The following ANKS1B variants were observed in gnomAD, a reference collection of about 807,000 sequenced individuals.
The protein encoded by ANKS1B is ankyrin repeat and sterile alpha motif domain-containing protein 1B.
ANKS1B carries 36 observed loss-of-function variants against 148.3 expected under a neutral mutation model. The observed-to-expected ratio is 0.24, with a 90% CI of 0.19 to 0.32. ANKS1B has a LOEUF of 0.32. ANKS1B is among the 10% of genes least tolerant of loss of function. The probability of loss-of-function intolerance (pLI) is 1.00; values close to 1 mark genes in which losing one functional copy is unlikely to be tolerated. For synonymous variants in ANKS1B, 542 were observed against 560.8 expected, an observed-to-expected ratio of 0.97 and a Z score of 0.47; for missense variants, 1,157 against 1,542.6, an observed-to-expected ratio of 0.75 and a Z score of 4.19.
At chr12:99,096,570 T>C (rs1348897755) in intron 15 of ANKS1B, among the ~76,000 whole-genome samples, 1 of 152,158 alleles carries the variant, frequency 6.6e-6, no homozygotes, top group Admixed American at 6.5e-5. Flanking sequence ...AAGAGCTCTT[T>C]GAACTGTTCT....
chr12:99,504,161 T>C (rs1449417150), intron 10 of ANKS1B, among the ~76,000 whole-genome samples: 1 of 152,126 alleles, frequency 6.6e-6, no homozygotes, highest in Non-Finnish European at 1.5e-5. Context: ...TTGCTACCAA[T>C]TGGCTGTGAA....
At chr12:99,593,091 T>G (rs928357538) in intron 9 of ANKS1B, among the ~76,000 whole-genome samples, 2 of 152,078 alleles carry the variant, frequency 1.3e-5, no homozygotes, top group Non-Finnish European at 2.9e-5. Flanking sequence ...TTATCAGATT[T>G]AAAGAGTCTG....
At chr12:99,097,280 AATTGCTGGT>A (rs2056507255) in intron 15 of ANKS1B, 2 of 152,170 alleles carry the variant, frequency 1.3e-5, no homozygotes, top group Non-Finnish European at 2.9e-5. Flanking sequence ...ATAAAGATGG[AATTGCTGGT>A]ACACCATAAC....
chr12:99,714,125 T>C (rs372250767), intron 8 of ANKS1B, among the ~76,000 whole-genome samples: 89 of 152,304 alleles, frequency 5.8e-4, no homozygotes, highest in African/African-American at 2.1e-3. Context: ...CTTTCCCAGC[T>C]TCAAAAGGCC....
Position 99,594,215 on chromosome 12 carries a change from G to C in ANKS1B, c.1272+60852C>G, listed in dbSNP as rs1166990279. Among the ~76,000 whole-genome samples the C allele has an allele frequency of 2.6e-5, 4 of 152,082 alleles. No individual in the cohort carries two copies. The East Asian group carries it at 7.7e-4, about 29-fold the overall frequency. ...TATTACTACAGATAAAACTGAAGTGGTCCTGAGGATGAGGAGAAATTGGAA... is the reference window on the plus strand; with the variant it reads ...TATTACTACAGATAAAACTGAAGTGCTCCTGAGGATGAGGAGAAATTGGAA... On this transcript the variant is annotated intron_variant, in intron 9 of 26. Coordinates refer to ENST00000683438, the MANE Select transcript of ANKS1B (RefSeq NM_001352186.2).
At chr12:99,888,796 C>A (rs2092952815) in intron 1 of ANKS1B, among the ~76,000 whole-genome samples, 1 of 152,098 alleles carries the variant, frequency 6.6e-6, no homozygotes, top group Non-Finnish European at 1.5e-5. Flanking sequence ...TATTATTGGA[C>A]AGGCTTGAAG....
intron 8 of ANKS1B, among the ~76,000 whole-genome samples, chr12:99,694,866 C>T (rs1305943210): frequency 6.6e-6 from 1 of 152,148 alleles, no homozygotes; most frequent in Non-Finnish European, 1.5e-5. Flanking sequence ...TTGAAAATGT[C>T]CACTAAGAAG....
chr12:99,361,523 A>G (rs1175859882), intron 12 of ANKS1B, among the ~76,000 whole-genome samples: 3 of 152,112 alleles, frequency 2.0e-5, no homozygotes, highest in African/African-American at 7.2e-5. Flanking sequence ...GGAAGTTAAT[A>G]ATGTGTCTCT....
At chr12:99,718,421 C>T (rs75090398) in intron 8 of ANKS1B, among the ~76,000 whole-genome samples, 3 of 152,108 alleles carry the variant, frequency 2.0e-5, no homozygotes, top group Admixed American at 1.3e-4. Flanking sequence ...CCCTCCTTGG[C>T]GACTGATCAT....
intron 17 of ANKS1B, among the ~76,000 whole-genome samples, chr12:99,040,346 C>A (rs574484396): frequency 6.6e-6 from 1 of 151,956 alleles, no homozygotes; most frequent in Non-Finnish European, 1.5e-5. Flanking sequence ...ATAAGTTGCA[C>A]CCCTGTTCGT....
intron 1 of ANKS1B, among the ~76,000 whole-genome samples, chr12:99,876,588 C>T (rs1399308509): frequency 2.0e-5 from 3 of 151,676 alleles, no homozygotes; most frequent in Non-Finnish European, 2.9e-5. Context: ...AAAAATTAGC[C>T]GGGAGTGGTG....
intron 17 of ANKS1B, among the ~76,000 whole-genome samples, chr12:98,902,957 G>A (rs536140094): frequency 1.3e-5 from 2 of 152,222 alleles, no homozygotes; most frequent in South Asian, 4.2e-4. Context: ...CTTGGGAGGG[G>A]ACAGTAACTT....
intron 16 of ANKS1B, among the ~76,000 whole-genome samples, chr12:99,062,608 T>C (rs979868979): frequency 1.3e-5 from 2 of 151,918 alleles, no homozygotes; most frequent in Admixed American, 6.6e-5. Flanking sequence ...GGATCACAAA[T>C]AGGTCATCGG....
chr12:99,673,798 A>G (rs1444823324), intron 8 of ANKS1B, among the ~76,000 whole-genome samples: 1 of 151,742 alleles, frequency 6.6e-6, no homozygotes, highest in Non-Finnish European at 1.5e-5. Context: ...TAAGCATAAC[A>G]ATATTTATTA....
At chr12:99,775,860 A>T (rs1356526930) in intron 6 of ANKS1B, among the ~76,000 whole-genome samples, 199 bp from the exon 7 acceptor site, 5 of 152,170 alleles carry the variant, frequency 3.3e-5, no homozygotes, top group Non-Finnish European at 4.4e-5. Context: ...AGTTGTAATT[A>T]AAAAAAGACA....
intron 8 of ANKS1B, among the ~76,000 whole-genome samples, chr12:99,756,816 G>A (rs945109094): frequency 6.6e-6 from 1 of 151,894 alleles, no homozygotes; most frequent in African/African-American, 2.4e-5. Context: ...TGTGATCTTT[G>A]ACAAACCTGA....
At chr12:99,501,334 A>G (rs969376763) in intron 10 of ANKS1B, among the ~76,000 whole-genome samples, 9 of 152,280 alleles carry the variant, frequency 5.9e-5, no homozygotes, top group Non-Finnish European at 8.8e-5. Flanking sequence ...TAGGAAAATT[A>G]TTCATAGAAA....
intron 1 of ANKS1B, among the ~76,000 whole-genome samples, chr12:99,981,465 A>AT (rs2095701402): frequency 1.3e-5 from 2 of 152,094 alleles, no homozygotes; most frequent in Admixed American, 1.3e-4. Flanking sequence ...CAGTTGTGAG[A>AT]TTTTTTTAAT....
chr12:99,027,651 C>T (rs1231727040), intron 17 of ANKS1B, among the ~76,000 whole-genome samples: 1 of 152,172 alleles, frequency 6.6e-6, no homozygotes, highest in Non-Finnish European at 1.5e-5. Flanking sequence ...CATGACTCAC[C>T]CCGAAGGGTG....
Sources: gnomAD v4.1 joint callset for allele counts (sites outside exome capture counted in the v4.1 genomes callset) on GRCh38, gnomAD v4.1.1 for gene constraint, MANE v1.5 for transcripts, NCBI Gene and HGNC (gene_info 2026-07-23, HGNC 2026-07-21) for gene names.